Variants in MAB21L4 observed in about 807,000 individuals in gnomAD.
MAB21L4 encodes the protein protein mab-21-like 4.
MAB21L4 carries 25 observed loss-of-function variants against 32.4 expected under a neutral mutation model. The observed-to-expected ratio is 0.77, with a 90% CI of 0.56 to 1.08. The LOEUF is 1.08. Among genes scored for constraint, MAB21L4 ranks in the 50% least tolerant of loss-of-function variants. The pLI, the probability that MAB21L4 is intolerant of heterozygous loss-of-function variation, is 0.00. For missense variants in MAB21L4, 638 were observed against 611.0 expected, an observed-to-expected ratio of 1.04 and a Z score of -0.47; for synonymous variants, 280 against 276.8, an observed-to-expected ratio of 1.01 and a Z score of -0.11.
At chr2:240,895,262 G>A (rs922120610) in intron 1 of MAB21L4, among the ~76,000 whole-genome samples, 2 of 152,230 alleles carry the variant, frequency 1.3e-5, no homozygotes, top group Non-Finnish European at 2.9e-5. Context: ...ACCTAAGTGA[G>A]GTCTCCCGAC....
At chr2:240,896,239 C>T (rs947884474), upstream of MAB21L4, 2 of 1,113,756 alleles carry the variant, frequency 1.8e-6, no homozygotes, top group Non-Finnish European at 1.1e-6. Flanking sequence ...GTCACAGGGG[C>T]CATGCAGGGC....
Position 240,895,980 on chromosome 2 carries a change from G to A in MAB21L4, c.18C>T (p.Leu6=), listed in dbSNP as rs766196492. MPAPA[L]PTSAMAVQVP... ...CCTGCACGGCCATGGCTGAGGTGGG[G>A]AGAGCAGGGGCAGGCATCCCTTCAA... is the stretch of plus-strand genomic sequence containing the variant. Residue 6 remains leucine (L), a synonymous_variant, in exon 1 of 5, where the codon CTC becomes CTT. Transcript: ENST00000388934. 3 of 1,459,862 alleles carry A rather than the reference G, an allele frequency of 2.1e-6. No homozygotes were observed. The highest frequency in any genetic ancestry group is 2.7e-6 in the Non-Finnish European group (3 of 1,111,392). 90.4% of individuals were successfully genotyped at this position (1,459,862 alleles called of 1,614,324 possible). A position where few individuals can be genotyped will look rare whatever the true frequency, so the allele number is the denominator to read the frequency against.
At position 240,891,729 on chromosome 2, in the gene MAB21L4, C is replaced by A; in HGVS notation, c.549G>T (p.Gln183His). 1 of 1,609,740 alleles carries A rather than the reference C, an allele frequency of 6.2e-7. No homozygotes were observed. Among genetic ancestry groups the A allele is most frequent in the South Asian group, 1.1e-5 (1 of 91,060 alleles). ...TGGACACCAGCAAGGACAGGTGGAGCTGCTCCTCCCTCAGGCTGGCCGCGT... is the reference window on the plus strand; with the variant it reads ...TGGACACCAGCAAGGACAGGTGGAGATGCTCCTCCCTCAGGCTGGCCGCGT... ...SLNAASLREE[Q>H]LHLSLLVSSG... is the part of the protein sequence containing the mutation. The change falls in exon 2 of 5, where the codon CAG (glutamine) becomes CAT (histidine). Residue 183 changes from glutamine (Q) to histidine (H), a missense_variant. Gln to His is a conservative substitution (Grantham distance 24, BLOSUM62 0). Transcript: ENST00000388934.
chr2:240,886,717 A>G lies in MAB21L4; in HGVS notation c.*353T>C, dbSNP rs1263984220. 1 of 240,526 alleles carries G rather than the reference A, an allele frequency of 4.2e-6. No homozygotes were observed. The highest frequency in any genetic ancestry group is 7.9e-6 in the Non-Finnish European group (1 of 126,084). The allele number at this position is 240,526 out of a possible 1,614,324, so 14.9% of individuals were successfully genotyped here. On this transcript the variant is annotated 3_prime_UTR_variant, in exon 5 of 5. Transcript: ENST00000388934. ...ATTTTTTCAAAACCAAATATACAGC[A>G]TTTCGTCACCAAGGAATGGCATACA... is the stretch of plus-strand genomic sequence containing the variant.
At chr2:240,893,073 C>G (rs1420171160) in intron 1 of MAB21L4, among the ~76,000 whole-genome samples, 1 of 152,226 alleles carries the variant, frequency 6.6e-6, no homozygotes, top group Non-Finnish European at 1.5e-5. Flanking sequence ...GCCGCCCCTC[C>G]CCTCCCCAGT....
At chr2:240,892,046 G>A in intron 1 of MAB21L4, 1 of 1,472,082 alleles carries the variant, frequency 6.8e-7, no homozygotes, top group Non-Finnish European at 9.0e-7. Flanking sequence ...GATGACAGCA[G>A]CGTCCTACAT....
intron 4 of MAB21L4, 73 bp from the exon 5 acceptor site, chr2:240,887,235 G>A: frequency 1.6e-6 from 2 of 1,282,266 alleles, no homozygotes; most frequent in South Asian, 1.2e-5. Flanking sequence ...AGGGCCGAGA[G>A]CACAGCGTGG....
At position 240,890,012 on chromosome 2, in the gene MAB21L4, T is replaced by G. The variant is rs190874345; in HGVS notation, c.887A>C (p.His296Pro). 48 of 1,609,056 alleles carry G rather than the reference T, an allele frequency of 3.0e-5. No individual in the cohort carries two copies. The East Asian group carries it at 1.1e-3, about 36-fold the overall frequency. ...SGQTDGLTFG[H>P]LKMVLLWASV... ...GAGTCCCGCCCTGGGTACCTTCAGGTGGCCAAAGGTCAGGCCGTCAGTCTG... is the reference window on the plus strand; with the variant it reads ...GAGTCCCGCCCTGGGTACCTTCAGGGGGCCAAAGGTCAGGCCGTCAGTCTG... The change falls in exon 3 of 5, where the codon CAC becomes CCC. Residue 296 changes from histidine (H) to proline (P), a missense_variant. By Grantham distance (77) the His-to-Pro change is moderately conservative (BLOSUM62 -2). Transcript: ENST00000388934.
chr2:240,895,466 A>T lies in MAB21L4; in HGVS notation c.514+18T>A. The T allele has an allele frequency of 6.6e-7, 1 of 1,514,238 alleles. No individual in the cohort carries two copies. Among genetic ancestry groups the T allele is most frequent in the Non-Finnish European group, 8.9e-7 (1 of 1,123,082 alleles). 93.8% of individuals were successfully genotyped at this position (1,514,238 alleles called of 1,614,324 possible). On this transcript the variant is annotated intron_variant, in intron 1 of 4. Transcript: ENST00000388934. ...TCGGTACACGCAGATACGCGTGCAG[A>T]GTGGGCTGTGCCTGTACCTGGTGCG...
chr2:240,890,653 GCAA>G (rs1450677491), intron 2 of MAB21L4, among the ~76,000 whole-genome samples: 1 of 152,218 alleles, frequency 6.6e-6, no homozygotes, highest in Non-Finnish European at 1.5e-5. Flanking sequence ...TGGAGCCTTG[GCAA>G]TGCACCCTCA....
chr2:240,892,888 AGCTGGGGCTGGG>A, intron 1 of MAB21L4, among the ~76,000 whole-genome samples: 1 of 152,206 alleles, frequency 6.6e-6, no homozygotes, highest in Non-Finnish European at 1.5e-5. Flanking sequence ...ATGGGGCTGG[AGCTGGGGCTGGG>A]GGCATTCTGG....
At position 240,895,957 on chromosome 2, in the gene MAB21L4, T is replaced by G. The variant is rs1183157340; in HGVS notation, c.41A>C (p.Gln14Pro). The change falls in exon 1 of 5, where the codon CAG becomes CCG. Residue 14 changes from glutamine to proline, a missense_variant. Transcript: ENST00000388934. ...CAGGTAGTGGTGCCACAGGGGCACC[T>G]GCACGGCCATGGCTGAGGTGGGGAG... ...PALPTSAMAV[Q>P]VPLWHHYLQA... is the part of the protein sequence containing the mutation. The G allele has an allele frequency of 1.3e-6, 2 of 1,481,500 alleles. No individual in the cohort carries two copies. Among genetic ancestry groups the G allele is most frequent in the African/African-American group, 1.4e-5 (1 of 71,084 alleles). 91.8% of individuals were successfully genotyped at this position (1,481,500 alleles called of 1,614,324 possible). A position where few individuals can be genotyped will look rare whatever the true frequency, so the allele number is the denominator to read the frequency against.
chr2:240,891,760 G>T lies in MAB21L4; in HGVS notation c.518C>A (p.Ser173Ter). The change falls in exon 2 of 5, where the codon TCG becomes TAG. Residue 173 changes from serine to a stop codon, truncating the protein, a stop_gained. Coordinates refer to ENST00000388934, the MANE Select transcript of MAB21L4 (RefSeq NM_001085437.3). LOFTEE classifies it high-confidence loss of function. ...CTCCCTCAGGCTGGCCGCGTTCAGC[G>T]AACCTGCAAAGACCCAAGTCACGCC... ...CKHHSLIAPG[S>*]LNAASLREEQ... is the part of the protein sequence containing the mutation. 6.2e-7 allele frequency: 1 copy of T among 1,607,824 alleles called. No homozygotes were observed. The highest frequency in any genetic ancestry group is 8.5e-7 in the Non-Finnish European group (1 of 1,178,474).
chr2:240,893,492 A>G (rs910016544), intron 1 of MAB21L4, among the ~76,000 whole-genome samples: 1 of 152,194 alleles, frequency 6.6e-6, no homozygotes, highest in African/African-American at 2.4e-5. Flanking sequence ...ACGCACGCTC[A>G]CTGCCCGTGA....
At chr2:240,889,840 G>A (rs10164559) in intron 3 of MAB21L4, among the ~76,000 whole-genome samples, 165 bp downstream of exon 3, 3,237 of 152,314 alleles carry the variant, frequency 0.021, 114 homozygotes, top group African/African-American at 0.073. Context: ...CAGGAGCCAC[G>A]GCCTCACCTC....
rs895703024 is a variant in MAB21L4 at position 240,892,000 on chromosome 2, G to A, written c.515-237C>T. On this transcript the variant is annotated intron_variant, in intron 1 of 4. Coordinates refer to ENST00000388934, the MANE Select transcript of MAB21L4 (RefSeq NM_001085437.3). ...TGCCTGCCCAATGGTGACAGTCCTC[G>A]GCACAACTGTCAGCTCAGCGACTTG... is the stretch of plus-strand genomic sequence containing the variant. The A allele has an allele frequency of 1.5e-5, 23 of 1,514,308 alleles. No homozygotes were observed. In the Admixed American group the frequency reaches 2.6e-4, roughly 17 times the overall value. The allele number at this position is 1,514,308 out of a possible 1,614,324, so 93.8% of individuals were successfully genotyped here. A position where few individuals can be genotyped will look rare whatever the true frequency, so the allele number is the denominator to read the frequency against.
At chr2:240,891,880 C>T (rs1387121119) in intron 1 of MAB21L4, 117 bp from the exon 2 acceptor site, 1 of 1,576,914 alleles carries the variant, frequency 6.3e-7, no homozygotes, top group Admixed American at 1.8e-5. Flanking sequence ...CACCTGCAGC[C>T]CTCTCTGCTG....
Position 240,895,916 on chromosome 2 carries a change from G to C in MAB21L4, c.82C>G (p.Arg28Gly). Reference sequence around the variant, plus strand: ...AAGTCCTGGGCACGCGGCGCCTCCCGGGACCGGATGGCCTGCAGGTAGTGG... The same window carrying C: ...AAGTCCTGGGCACGCGGCGCCTCCCCGGACCGGATGGCCTGCAGGTAGTGG... ...WHHYLQAIRS[R>G]EAPRAQDFQR... Residue 28 changes from arginine (R) to glycine (G), a missense_variant, in exon 1 of 5, where the codon CGG becomes GGG. By Grantham distance (125) the Arg-to-Gly change is moderately radical (BLOSUM62 -2). Coordinates refer to ENST00000388934, the MANE Select transcript of MAB21L4 (RefSeq NM_001085437.3). 6.6e-7 allele frequency: 1 copy of C among 1,514,106 alleles called. No individual in the cohort carries two copies. Among genetic ancestry groups the C allele is most frequent in the Non-Finnish European group, 8.8e-7 (1 of 1,131,664 alleles). The allele number at this position is 1,514,106 out of a possible 1,614,324, so 93.8% of individuals were successfully genotyped here.
intron 2 of MAB21L4, among the ~76,000 whole-genome samples, chr2:240,890,633 G>T (rs11675294): frequency 0.16 from 24,088 of 152,180 alleles, 2,179 homozygotes; most frequent in Non-Finnish European, 0.2. Context: ...TGCTGGATGG[G>T]CTGAGGTGGT....
Sources: allele counts gnomAD v4.1 joint callset (sites outside exome capture counted in the v4.1 genomes callset), GRCh38; gene constraint gnomAD v4.1.1; transcripts MANE v1.5; gene names NCBI Gene and HGNC (gene_info 2026-07-23, HGNC 2026-07-21).